The following PPP4R1 variants were observed in gnomAD, a reference collection of about 807,000 sequenced individuals.
PPP4R1 encodes the protein serine/threonine-protein phosphatase 4 regulatory subunit 1.
PPP4R1 carries 42 observed loss-of-function variants against 111.2 expected under a neutral mutation model. That is an observed-to-expected ratio of 0.38 (90% CI 0.29 to 0.49). The LOEUF is 0.49. Ranked by LOEUF, PPP4R1 falls within the 20% of genes least tolerant of loss-of-function variation. The pLI, the probability that PPP4R1 is intolerant of heterozygous loss-of-function variation, is 0.97. For missense variants in PPP4R1, 1,012 were observed against 1,161.6 expected (o/e 0.87, Z 1.87); for synonymous variants, 409 against 405.5 (o/e 1.01, Z -0.10).
At chr18:9,596,141 T>A (rs1444042747) in intron 2 of PPP4R1, among the ~76,000 whole-genome samples, 2 of 152,242 alleles carry the variant, frequency 1.3e-5, no homozygotes. Context: ...GATTATTTAT[T>A]TTGTTCTGTT....
In PPP4R1 at chr18:9,562,090, T is replaced by G; in HGVS notation, c.1747-15A>C. The G allele has an allele frequency of 6.3e-7, 1 of 1,575,400 alleles. No homozygotes were observed. The highest frequency in any genetic ancestry group is 8.7e-7 in the Non-Finnish European group (1 of 1,145,576). On this transcript the variant is annotated splice_polypyrimidine_tract_variant and intron_variant, in intron 12 of 19. Coordinates refer to ENST00000400556, the MANE Select transcript of PPP4R1 (RefSeq NM_001042388.3). ...GAGTCCATATTCTGTTAGGAAAAAA[T>G]AACTACTTAAAGAGCTGTCCTGTCT...
At chr18:9,606,379 C>CA (rs2067482468) in intron 2 of PPP4R1, among the ~76,000 whole-genome samples, 1 of 152,172 alleles carries the variant, frequency 6.6e-6, no homozygotes, top group African/African-American at 2.4e-5. Context: ...TTTTACCTTA[C>CA]AACAGCAGAT....
chr18:9,607,964 AAT>A (rs1326716293), intron 2 of PPP4R1, among the ~76,000 whole-genome samples: 3 of 151,670 alleles, frequency 2.0e-5, no homozygotes, highest in Non-Finnish European at 4.4e-5. Flanking sequence ...TTGTATTTTT[AAT>A]AGAGACGGGG....
Position 9,570,451 on chromosome 18 carries a change from G to T in PPP4R1, c.1279C>A (p.Pro427Thr), listed in dbSNP as rs1350586836. 2 of 1,614,172 alleles carry T rather than the reference G, an allele frequency of 1.2e-6. No homozygotes were observed. Among genetic ancestry groups the T allele is most frequent in the African/African-American group, 1.3e-5 (1 of 75,052 alleles). The change falls in exon 11 of 20, where the codon CCT becomes ACT. Residue 427 changes from proline to threonine, a missense_variant. Physicochemically the swap from Pro to Thr is conservative, Grantham distance 38. Transcript: ENST00000400556. ...CGTAACATAGATTTGTAGTTACCAGGTTTTTTATCATTCTCATTACTAGCT... is the reference window on the plus strand; with the variant it reads ...CGTAACATAGATTTGTAGTTACCAGTTTTTTTATCATTCTCATTACTAGCT... Reference protein sequence around the residue: ...EAASNENDKKPGNYKSMLRPE... With the variant: ...EAASNENDKKTGNYKSMLRPE...
rs202088749 is a variant in PPP4R1 at position 9,548,299 on chromosome 18, GA to G, written c.2690-348del. Reference sequence around the variant, plus strand: ...ACCAACTACAAAAAAAAAAAAAGGAGAAAAAAAAATATTCATTTATCCTTAT... The same window carrying G: ...ACCAACTACAAAAAAAAAAAAAGGAGAAAAAAAATATTCATTTATCCTTAT... On this transcript the variant is annotated intron_variant, in intron 19 of 19. Transcript: ENST00000400556. 8.0e-3 allele frequency among the ~76,000 whole-genome samples: 1,197 copies of G among 149,400 alleles called. 18 individuals carry two copies. Among genetic ancestry groups the G allele is most frequent in the African/African-American group, 0.027 (1,104 of 40,746 alleles).
At position 9,614,256 on chromosome 18, in the gene PPP4R1, G is replaced by T; in HGVS notation, c.22C>A (p.Gln8Lys). 1 of 1,351,370 alleles carries T rather than the reference G, an allele frequency of 7.4e-7. No homozygotes were observed. Among genetic ancestry groups the T allele is most frequent in the South Asian group, 1.7e-5 (1 of 58,416 alleles). 83.7% of individuals were successfully genotyped at this position (1,351,370 alleles called of 1,614,324 possible). A position where few individuals can be genotyped will look rare whatever the true frequency, so the allele number is the denominator to read the frequency against. The change falls in exon 2 of 20, where the codon CAG becomes AAG. Residue 8 changes from glutamine (Q) to lysine (K), a missense_variant. Transcript: ENST00000400556. The surrounding 1 kb of genome is among the most constrained non-coding windows in gnomAD (Gnocchi z 4.1). ...TCTGCGTCCTCCTGCAGGTCCTCCTGAAGCAGCGAGAGGTCTGCGCCGAGG... is the reference window on the plus strand; with the variant it reads ...TCTGCGTCCTCCTGCAGGTCCTCCTTAAGCAGCGAGAGGTCTGCGCCGAGG... Reference protein sequence around the residue: MADLSLLQEDLQEDADGF... With the variant: MADLSLLKEDLQEDADGF...
chr18:9,581,917 G>GCATAACACA (rs1439294951), intron 9 of PPP4R1, among the ~76,000 whole-genome samples: 1 of 152,082 alleles, frequency 6.6e-6, no homozygotes, highest in Non-Finnish European at 1.5e-5. Context: ...TGAGGCAGTG[G>GCATAACACA]CATAACACAC....
intron 18 of PPP4R1, 116 bp downstream of exon 18, chr18:9,549,936 C>T (rs2066462119): frequency 6.9e-7 from 1 of 1,443,964 alleles, no homozygotes; most frequent in South Asian, 1.3e-5. Context: ...AGCCAGGCTA[C>T]TATAAGGTTC....
chr18:9,575,498 T>C (rs1335665212), intron 10 of PPP4R1, among the ~76,000 whole-genome samples: 1 of 152,216 alleles, frequency 6.6e-6, no homozygotes, highest in Non-Finnish European at 1.5e-5. Context: ...ATGCTCTCTT[T>C]CCCCTACCAT....
intron 9 of PPP4R1, among the ~76,000 whole-genome samples, chr18:9,578,506 T>C (rs1773369491): frequency 6.6e-6 from 1 of 151,892 alleles, no homozygotes; most frequent in South Asian, 2.1e-4. Context: ...CCCAAAGTGT[T>C]AGGATTATAG....
At chr18:9,595,177 C>T (rs1373760737) in intron 2 of PPP4R1, 24 bp from the exon 3 acceptor site, 1 of 1,606,216 alleles carries the variant, frequency 6.2e-7, no homozygotes. Context: ...CAGAAATACT[C>T]CTTATAACAC....
At chr18:9,584,853 C>CTT in intron 6 of PPP4R1, 25 bp from the exon 7 acceptor site, 1 of 1,521,562 alleles carries the variant, frequency 6.6e-7, no homozygotes, top group East Asian at 2.3e-5. Context: ...AACAAACACA[C>CTT]ACTGAAAATA....
In PPP4R1 at chr18:9,570,471, C is replaced by A; in HGVS notation, c.1259G>T (p.Ser420Ile). 1 of 1,614,184 alleles carries A rather than the reference C, an allele frequency of 6.2e-7. No individual in the cohort carries two copies. Among genetic ancestry groups the A allele is most frequent in the Non-Finnish European group, 8.5e-7 (1 of 1,180,006 alleles). ...LSSESHQEAA[S>I]NENDKKPGNY... Reference sequence around the variant, plus strand: ...ACCAGGTTTTTTATCATTCTCATTACTAGCTGCTTCCTGGTGAGATTCTGA... The same window carrying A: ...ACCAGGTTTTTTATCATTCTCATTAATAGCTGCTTCCTGGTGAGATTCTGA... Residue 420 changes from serine (S) to isoleucine (I), a missense_variant, in exon 11 of 20, where the codon AGT becomes ATT. By Grantham distance (142) the Ser-to-Ile change is moderately radical (BLOSUM62 -2). Around this residue, in one of 2 missense-constraint regions of PPP4R1, gnomAD observed 707 missense variants for 742.1 expected, o/e 0.95. Transcript: ENST00000400556.
chr18:9,550,415 C>G lies in PPP4R1; in HGVS notation c.2292-17G>C, dbSNP rs1477017898. ...ATCAGCTGTCTACAAAAAGGAATTACAAAAAGACAATGTTTAAAAATCAGC... is the reference window on the plus strand; with the variant it reads ...ATCAGCTGTCTACAAAAAGGAATTAGAAAAAGACAATGTTTAAAAATCAGC... On this transcript the variant is annotated splice_polypyrimidine_tract_variant and intron_variant, in intron 16 of 19. Coordinates refer to ENST00000400556, the MANE Select transcript of PPP4R1 (RefSeq NM_001042388.3). The G allele has an allele frequency of 1.3e-6, 2 of 1,566,812 alleles. No individual in the cohort carries two copies. Among genetic ancestry groups the G allele is most frequent in the Non-Finnish European group, 1.7e-6 (2 of 1,152,892 alleles).
chr18:9,600,672 G>C (rs538216520), intron 2 of PPP4R1, among the ~76,000 whole-genome samples: 1 of 152,210 alleles, frequency 6.6e-6, no homozygotes, highest in East Asian at 1.9e-4. Flanking sequence ...TCAGGAGTTT[G>C]AGATGAGACC....
intron 9 of PPP4R1, among the ~76,000 whole-genome samples, chr18:9,581,514 T>A (rs1276833518): frequency 2.6e-5 from 4 of 151,280 alleles, no homozygotes; most frequent in Non-Finnish European, 4.4e-5. Flanking sequence ...CAATAGAGAT[T>A]ATGCAAGCCA....
At chr18:9,583,874 G>A (rs961555337) in intron 8 of PPP4R1, among the ~76,000 whole-genome samples, 11 of 151,178 alleles carry the variant, frequency 7.3e-5, no homozygotes, top group Admixed American at 2.0e-4. Context: ...GCTTTAAAAC[G>A]GACAGAAATG....
chr18:9,599,810 T>C (rs1252071255), intron 2 of PPP4R1: 1 of 152,122 alleles, frequency 6.6e-6, no homozygotes, highest in Non-Finnish European at 1.5e-5. Flanking sequence ...ATCTTAAAGA[T>C]AAACAATAAA....
chr18:9,572,015 C>G (rs1373834713), intron 10 of PPP4R1, among the ~76,000 whole-genome samples: 2 of 152,178 alleles, frequency 1.3e-5, no homozygotes, highest in African/African-American at 4.8e-5. Context: ...GGCAGTGTCT[C>G]CAGGACTACA....
Sources: allele counts gnomAD v4.1 joint callset (sites outside exome capture counted in the v4.1 genomes callset), GRCh38; gene constraint gnomAD v4.1.1; regional missense constraint gnomAD v4.1.1; non-coding constraint Gnocchi (gnomAD v3.1); transcripts MANE v1.5; gene names NCBI Gene and HGNC (gene_info 2026-07-23, HGNC 2026-07-21).